Variants in STAB1 observed in about 807,000 individuals in gnomAD.
STAB1 encodes the protein stabilin 1.
STAB1 carries 250 observed loss-of-function variants against 332.4 expected under a neutral mutation model. The observed-to-expected ratio is 0.75, with a 90% CI of 0.68 to 0.84. The LOEUF is 0.84. STAB1 is among the 40% of genes least tolerant of loss of function. The probability of loss-of-function intolerance (pLI) is 0.00; values close to 1 mark genes in which losing one functional copy is unlikely to be tolerated. For synonymous variants in STAB1, 1,475 were observed against 1,390.4 expected, an observed-to-expected ratio of 1.06 and a Z score of -1.35; for missense variants, 3,249 against 3,489.7, an observed-to-expected ratio of 0.93 and a Z score of 1.74.
Position 52,516,719 on chromosome 3 carries a change from C to T in STAB1, c.4314C>T (p.Ser1438=), listed in dbSNP as rs991881068. The change falls in exon 41 of 69, where the codon TCC becomes TCT. Residue 1438 remains serine, a synonymous_variant. Coordinates refer to ENST00000321725, the MANE Select transcript of STAB1 (RefSeq NM_015136.3). ...ANCVQDSAGA[S]TCACAAGYSG... ...GCGTGCAGGACTCGGCCGGAGCCTCCACCTGCGCCTGTGCTGCGGGATACT... is the reference window on the plus strand; with the variant it reads ...GCGTGCAGGACTCGGCCGGAGCCTCTACCTGCGCCTGTGCTGCGGGATACT... The T allele has an allele frequency of 1.9e-6, 3 of 1,612,158 alleles. No individual in the cohort carries two copies. The highest frequency in any genetic ancestry group is 2.5e-6 in the Non-Finnish European group (3 of 1,179,858).
chr3:52,509,389 C>A, intron 22 of STAB1, 68 bp downstream of exon 22: 2 of 1,411,442 alleles, frequency 1.4e-6, no homozygotes, highest in South Asian at 1.2e-5. Flanking sequence ...GGTCTGGGGG[C>A]TCTCAAGAAG....
Position 52,512,840 on chromosome 3 carries a change from A to G in STAB1, c.3040A>G (p.Thr1014Ala), listed in dbSNP as rs1447989868. The G allele has an allele frequency of 4.4e-6, 7 of 1,609,170 alleles. No homozygotes were observed. Among genetic ancestry groups the G allele is most frequent in the Middle Eastern group, 1.7e-4 (1 of 6,044 alleles). ...TGTGTGCGTGCAGAGTGCCGGCATC[A>G]CGCTTCCTGCCGACCGCCGAGTCAC... ...FYQWLKSAGITLPADRRVTAL... is the reference protein window; with the variant it reads ...FYQWLKSAGIALPADRRVTAL... Residue 1014 changes from threonine (T) to alanine (A), a missense_variant, in exon 29 of 69, where the codon ACG (threonine) becomes GCG (alanine). Thr to Ala is a moderately conservative substitution (Grantham distance 58, BLOSUM62 0). Coordinates refer to ENST00000321725, the MANE Select transcript of STAB1 (RefSeq NM_015136.3).
At position 52,518,782 on chromosome 3, in the gene STAB1, C is replaced by T. The variant is rs1214746363; in HGVS notation, c.4947C>T (p.Gly1649=). The T allele has an allele frequency of 6.2e-7, 1 of 1,612,322 alleles. No individual in the cohort carries two copies. Among genetic ancestry groups the T allele is most frequent in the Admixed American group, 1.7e-5 (1 of 59,990 alleles). Residue 1649 remains glycine (G), a synonymous_variant, in exon 48 of 69, where the codon GGC becomes GGT. Transcript: ENST00000321725. ...RQLVFRYHVV[G]CRRLRSEDLL... is the part of the protein sequence containing the mutation. ...TGGTGTTTCGCTACCACGTGGTTGG[C>T]TGTCGGCGGCTGCGGAGCGAGGACC...
chr3:52,518,403 C>G (rs1225422318), intron 46 of STAB1, 44 bp downstream of exon 46: 1 of 1,601,508 alleles, frequency 6.2e-7, no homozygotes, highest in East Asian at 2.2e-5. Context: ...AGTCCCACCC[C>G]TCTCTGGACT....
At chr3:52,508,128 G>A (rs1709018535) in intron 20 of STAB1, 102 bp downstream of exon 20, 1 of 1,372,216 alleles carries the variant, frequency 7.3e-7, no homozygotes, top group Non-Finnish European at 1.0e-6. Context: ...CTCAGAGGAT[G>A]CACTGCAGCC....
chr3:52,522,601 T>C lies in STAB1; in HGVS notation c.6657T>C (p.Tyr2219=), dbSNP rs1222106273. ...ACCTCCAGGCCACCAGCGGCCCTTA[T>C]GGTCTGAACTTTTCGGAGGCTGAGG... The part of the protein sequence containing the change: ...VFHLQATSGP[Y]GLNFSEAEAA... The change falls in exon 61 of 69, where the codon TAT becomes TAC. Residue 2219 remains tyrosine (Y), a synonymous_variant. Coordinates refer to ENST00000321725, the MANE Select transcript of STAB1 (RefSeq NM_015136.3). 6.2e-7 allele frequency: 1 copy of C among 1,613,010 alleles called. No individual in the cohort carries two copies. Among genetic ancestry groups the C allele is most frequent in the South Asian group, 1.1e-5 (1 of 91,082 alleles).
chr3:52,502,774 C>A, intron 6 of STAB1, 47 bp downstream of exon 6: 1 of 1,583,506 alleles, frequency 6.3e-7, no homozygotes. Flanking sequence ...TCCCTGTGGC[C>A]AGAGCAAAAG....
chr3:52,496,477 C>T (rs1042042002), intron 1 of STAB1, among the ~76,000 whole-genome samples: 2 of 152,254 alleles, frequency 1.3e-5, no homozygotes, highest in Admixed American at 1.3e-4. Flanking sequence ...CTGCCACCAT[C>T]AGGCGCTTTC....
chr3:52,506,807 T>C lies in STAB1; in HGVS notation c.1946T>C (p.Ile649Thr), dbSNP rs781305161. The part of the protein sequence containing the change: ...GILLPPTILP[I>T]LPKHCSEEQH... The stretch of plus-strand genomic sequence containing the variant: ...CTGCTGCCCCCGACCATCCTGCCCA[T>C]CCTGCCCAAGCACTGCAGCGAGGAG... Residue 649 changes from isoleucine (I) to threonine (T), a missense_variant, in exon 18 of 69, where the codon ATC (isoleucine) becomes ACC (threonine). Physicochemically the swap from Ile to Thr is moderately conservative, Grantham distance 89 (BLOSUM62 -1). Coordinates refer to ENST00000321725, the MANE Select transcript of STAB1 (RefSeq NM_015136.3). 1 of 1,613,196 alleles carries C rather than the reference T, an allele frequency of 6.2e-7. No homozygotes were observed. Among genetic ancestry groups the C allele is most frequent in the South Asian group, 1.1e-5 (1 of 91,088 alleles).
chr3:52,516,881 T>C, intron 41 of STAB1, 103 bp from the exon 42 acceptor site: 1 of 1,597,702 alleles, frequency 6.3e-7, no homozygotes, highest in Non-Finnish European at 8.5e-7. Context: ...ATCTCAGGAC[T>C]CACCCTTCCC....
Position 52,504,034 on chromosome 3 carries a change from G to A in STAB1, c.1029G>A (p.Val343=). ...GCTCTCCCTGGGAGCCCAGCTGTGT[G>A]TGCAGGGAAAGCGAGGTGGGGGATG... is the stretch of plus-strand genomic sequence containing the variant. ...QVTADGKTSC[V]CRESEVGDGR... Residue 343 remains valine, a synonymous_variant, in exon 10 of 69, where the codon GTG becomes GTA. Transcript: ENST00000321725. The A allele has an allele frequency of 6.2e-7, 1 of 1,603,236 alleles. No individual in the cohort carries two copies. Among genetic ancestry groups the A allele is most frequent in the South Asian group, 1.1e-5 (1 of 90,118 alleles).
chr3:52,515,045 G>T lies in STAB1; in HGVS notation c.3864G>T (p.Gln1288His). 1.2e-6 allele frequency: 2 copies of T among 1,613,424 alleles called. No individual in the cohort carries two copies. The highest frequency in any genetic ancestry group is 1.7e-6 in the Non-Finnish European group (2 of 1,179,984). The part of the protein sequence containing the change: ...RFRCTQGFQL[Q>H]DTPRKSCVYR... ...GCTGCACTCAGGGCTTCCAGCTGCA[G>T]GTGAGACTGGGCTTAGCGCAGCTCT... is the stretch of plus-strand genomic sequence containing the variant. The change falls in exon 36 of 69, where the codon CAG becomes CAT. Residue 1288 changes from glutamine to histidine, a missense_variant and splice_region_variant. Physicochemically the swap from Gln to His is conservative, Grantham distance 24. Coordinates refer to ENST00000321725, the MANE Select transcript of STAB1 (RefSeq NM_015136.3).
rs755973787 is a variant in STAB1 at position 52,511,641 on chromosome 3, C to A, written c.2788-9C>A. 4.4e-6 allele frequency: 7 copies of A among 1,607,046 alleles called. No homozygotes were observed. The highest frequency in any genetic ancestry group is 5.1e-6 in the Non-Finnish European group (6 of 1,176,412). On this transcript the variant is annotated splice_polypyrimidine_tract_variant and intron_variant, in intron 25 of 68. Coordinates refer to ENST00000321725, the MANE Select transcript of STAB1 (RefSeq NM_015136.3). The stretch of plus-strand genomic sequence containing the variant: ...ATGAGACAAGGCCGTCTGTTCCTAA[C>A]CTTTCCAGAGCCGATGCACCTGCAA...
chr3:52,520,515 G>T lies in STAB1; in HGVS notation c.5615G>T (p.Arg1872Leu). Residue 1872 changes from arginine (R) to leucine (L), a missense_variant, in exon 53 of 69, where the codon CGC (arginine) becomes CTC (leucine). Coordinates refer to ENST00000321725, the MANE Select transcript of STAB1 (RefSeq NM_015136.3). The stretch of plus-strand genomic sequence containing the variant: ...CTGGAGCCACCTGGCCTTGGTGCTC[G>T]CTGTGACCACTTTGAGACCCGGCCC... ...QLLEPPGLGA[R>L]CDHFETRPLR... 1 of 1,612,262 alleles carries T rather than the reference G, an allele frequency of 6.2e-7. No homozygotes were observed. The highest frequency in any genetic ancestry group is 2.2e-5 in the East Asian group (1 of 44,872).
chr3:52,517,995 G>C lies in STAB1; in HGVS notation c.4753G>C (p.Val1585Leu), dbSNP rs752957284. The change falls in exon 45 of 69, where the codon GTC becomes CTC. Residue 1585 changes from valine (V) to leucine (L), a missense_variant. Coordinates refer to ENST00000321725, the MANE Select transcript of STAB1 (RefSeq NM_015136.3). ...GGACGGCCTCACCTGCCGTGCCCGA[G>C]TCGGCCTGGTAATGATGCCCAAGTC... The part of the protein sequence containing the change: ...VGDGLTCRAR[V>L]GLELLRDKHA... The C allele has an allele frequency of 1.9e-6, 3 of 1,604,436 alleles. No homozygotes were observed. In the Admixed American group the frequency reaches 5.2e-5, roughly 28 times the overall value.
At chr3:52,501,937 C>T in intron 3 of STAB1, 69 bp from the exon 4 acceptor site, 1 of 1,585,294 alleles carries the variant, frequency 6.3e-7, no homozygotes, top group Non-Finnish European at 8.6e-7. Flanking sequence ...CTGGGGTTGG[C>T]CAGAGCTGCT....
chr3:52,506,995 C>A, intron 18 of STAB1, 145 bp downstream of exon 18: 1 of 1,100,874 alleles, frequency 9.1e-7, no homozygotes, highest in South Asian at 1.6e-5. Context: ...CAAGGACCCA[C>A]CTGTGCTTCC....
rs762401891 is a variant in STAB1 at position 52,514,855 on chromosome 3, C to A, written c.3807+26C>A. 18 of 1,612,814 alleles carry A rather than the reference C, an allele frequency of 1.1e-5. No homozygotes were observed. In the East Asian group the frequency reaches 4.0e-4, roughly 36 times the overall value. ...GTGAGAGGCTGGGGCCACAGGAAGGCCGGCACGGGAGTTCAGAGCTGGGAG... is the reference window on the plus strand; with the variant it reads ...GTGAGAGGCTGGGGCCACAGGAAGGACGGCACGGGAGTTCAGAGCTGGGAG... On this transcript the variant is annotated intron_variant, in intron 35 of 68. Transcript: ENST00000321725.
In STAB1 at chr3:52,516,223, C is replaced by T. The variant is rs777077635; in HGVS notation, c.4129C>T (p.Pro1377Ser). 6 of 1,611,964 alleles carry T rather than the reference C, an allele frequency of 3.7e-6. No individual in the cohort carries two copies. In the South Asian group the frequency reaches 6.6e-5, roughly 18 times the overall value. The change falls in exon 38 of 69, where the codon CCC becomes TCC. Residue 1377 changes from proline (P) to serine (S), a missense_variant. Pro to Ser is a moderately conservative substitution (Grantham distance 74). Transcript: ENST00000321725. Reference protein sequence around the residue: ...CEVCELGRYGPNCTGVCDCAH... With the variant: ...CEVCELGRYGSNCTGVCDCAH... ...GGTGTGTGAGCTGGGCCGCTACGGG[C>T]CCAACTGCACCGGAGGTGAGGACTG...
Sources: allele counts gnomAD v4.1 joint callset (sites outside exome capture counted in the v4.1 genomes callset), GRCh38; gene constraint gnomAD v4.1.1; transcripts MANE v1.5; gene names NCBI Gene and HGNC (gene_info 2026-07-23, HGNC 2026-07-21).